OXCT1: variants seen among roughly 807,000 people sequenced by gnomAD.
The protein encoded by OXCT1 is succinyl-CoA:3-ketoacid coenzyme A transferase 1, mitochondrial.
In OXCT1, 27 loss-of-function variants were observed where a neutral mutation model predicts 69.6. The observed-to-expected ratio is 0.39, with a 90% CI of 0.29 to 0.54. The LOEUF (loss-of-function observed/expected upper bound fraction) is 0.54, where lower values mean the gene tolerates loss of function less well. Among genes scored for constraint, OXCT1 ranks in the 20% least tolerant of loss-of-function variants. The pLI is 0.72. For synonymous variants in OXCT1, 202 were observed against 217.8 expected, an observed-to-expected ratio of 0.93 and a Z score of 0.64; for missense variants, 437 against 650.2, an observed-to-expected ratio of 0.67 and a Z score of 3.57.
intron 11 of OXCT1, among the ~76,000 whole-genome samples, chr5:41,797,186 T>A (rs1023687556): frequency 6.6e-6 from 1 of 152,168 alleles, no homozygotes; most frequent in African/African-American, 2.4e-5. Flanking sequence ...CAACCTGCAC[T>A]GGCTGATAAT....
At chr5:41,840,332 C>CAAA in intron 7 of OXCT1, 119 bp downstream of exon 7, 1 of 653,896 alleles carries the variant, frequency 1.5e-6, no homozygotes, top group South Asian at 2.0e-5. Context: ...ATTTCCAAAA[C>CAAA]AAAAAAAAAA....
intron 13 of OXCT1, among the ~76,000 whole-genome samples, chr5:41,763,710 G>A (rs1000564926): frequency 1.3e-5 from 2 of 152,010 alleles, no homozygotes; most frequent in Non-Finnish European, 2.9e-5. Context: ...CTGAGGGGGC[G>A]AGCGCTGGAA....
In OXCT1 at chr5:41,757,861, G is replaced by A. The variant is rs182159243; in HGVS notation, c.1338+4250C>T. Among the ~76,000 whole-genome samples, 291 of 152,202 alleles carry A rather than the reference G, an allele frequency of 1.9e-3. 1 individual carries two copies. Among genetic ancestry groups the A allele is most frequent in the Middle Eastern group, 3.4e-3 (1 of 294 alleles). On this transcript the variant is annotated intron_variant, in intron 14 of 16. Transcript: ENST00000196371. ...AAGTTCTGCGGGCAAGGATGAGATA[G>A]GCTGCTGGGGAGCGAATCGCAAAGG...
intron 7 of OXCT1, among the ~76,000 whole-genome samples, chr5:41,831,777 A>C (rs1748110216): frequency 6.6e-6 from 1 of 152,332 alleles, no homozygotes; most frequent in East Asian, 1.9e-4. Context: ...AGGAAGGTAC[A>C]TTATACTCCT....
At chr5:41,826,503 T>G (rs1747813428) in intron 7 of OXCT1, among the ~76,000 whole-genome samples, 1 of 152,092 alleles carries the variant, frequency 6.6e-6, no homozygotes, top group Non-Finnish European at 1.5e-5. Flanking sequence ...GAATGCTCTA[T>G]CCCACTGATG....
intron 13 of OXCT1, among the ~76,000 whole-genome samples, chr5:41,790,424 G>A (rs912747382): frequency 6.6e-6 from 1 of 152,212 alleles, no homozygotes; most frequent in Non-Finnish European, 1.5e-5. Flanking sequence ...GTTTTGTCAA[G>A]TTTTCCTCCT....
intron 14 of OXCT1, among the ~76,000 whole-genome samples, chr5:41,755,054 G>A (rs1743992819): frequency 6.6e-6 from 1 of 152,072 alleles, no homozygotes; most frequent in Non-Finnish European, 1.5e-5. Flanking sequence ...CCAGAGGGCA[G>A]AGCACAGAAG....
chr5:41,817,591 A>G lies in OXCT1; in HGVS notation c.733-10153T>C, dbSNP rs371260137. On this transcript the variant is annotated intron_variant, in intron 7 of 16. Coordinates refer to ENST00000196371, the MANE Select transcript of OXCT1 (RefSeq NM_000436.4). ...TGATTTTAGTTCCATGCCACGCAGC[A>G]TATCTTCAATACCCCTCTGTACTTG... 3.3e-5 allele frequency among the ~76,000 whole-genome samples: 5 copies of G among 152,360 alleles called. No homozygotes were observed. In the East Asian group the frequency reaches 9.6e-4, roughly 29 times the overall value.
chr5:41,862,269 G>A (rs1423998848), intron 2 of OXCT1, among the ~76,000 whole-genome samples: 4 of 152,106 alleles, frequency 2.6e-5, no homozygotes, highest in Admixed American at 6.5e-5. Context: ...ACATGTCTAC[G>A]GGGTCTCTGA....
At chr5:41,780,340 T>G (rs1385247382) in intron 13 of OXCT1, among the ~76,000 whole-genome samples, 1 of 152,196 alleles carries the variant, frequency 6.6e-6, no homozygotes, top group Non-Finnish European at 1.5e-5. Context: ...GGTGAAGAAC[T>G]GTGATTAAAC....
At chr5:41,866,131 G>A (rs1297561171) in intron 1 of OXCT1, among the ~76,000 whole-genome samples, 1 of 150,680 alleles carries the variant, frequency 6.6e-6, no homozygotes, top group Non-Finnish European at 1.5e-5. Flanking sequence ...AGATACTCAG[G>A]GGTTGTTAGC....
chr5:41,774,355 C>A lies in OXCT1; in HGVS notation c.1249-12155G>T, dbSNP rs570996505. Among the ~76,000 whole-genome samples the A allele has an allele frequency of 5.9e-5, 9 of 152,126 alleles. No homozygotes were observed. In the South Asian group the frequency reaches 1.9e-3, roughly 32 times the overall value. On this transcript the variant is annotated intron_variant, in intron 13 of 16. Transcript: ENST00000196371. ...GAGAAGGGCTAGAAGCAATGATAGC[C>A]CAGTAGCAACAAGCACACCTAGCAC...
chr5:41,770,052 G>A (rs777571347), intron 13 of OXCT1, among the ~76,000 whole-genome samples: 2 of 152,192 alleles, frequency 1.3e-5, no homozygotes, highest in Admixed American at 6.5e-5. Context: ...GAGCCACCAC[G>A]CCCAGCCCTT....
intron 15 of OXCT1, among the ~76,000 whole-genome samples, chr5:41,748,271 T>G (rs1259645023): frequency 1.3e-5 from 2 of 151,788 alleles, no homozygotes; most frequent in Non-Finnish European, 2.9e-5. Flanking sequence ...GTGGGAGCTA[T>G]GACAGGTAGA....
At chr5:41,743,601 T>C (rs1743306943) in intron 15 of OXCT1, among the ~76,000 whole-genome samples, 1 of 152,246 alleles carries the variant, frequency 6.6e-6, no homozygotes. Context: ...TCTAGGGTTT[T>C]TATGGTTTTA....
intron 13 of OXCT1, among the ~76,000 whole-genome samples, chr5:41,766,819 A>G (rs1042860522): frequency 6.6e-6 from 1 of 152,156 alleles, no homozygotes; most frequent in African/African-American, 2.4e-5. Flanking sequence ...GAAACAATTT[A>G]TAATATATAG....
chr5:41,758,713 G>A (rs914463755), intron 14 of OXCT1, among the ~76,000 whole-genome samples: 2 of 152,168 alleles, frequency 1.3e-5, no homozygotes, highest in Non-Finnish European at 2.9e-5. Context: ...GCAACCCGCA[G>A]CACATGGTTT....
At chr5:41,761,629 A>T (rs1744350486) in intron 14 of OXCT1, among the ~76,000 whole-genome samples, 1 of 152,160 alleles carries the variant, frequency 6.6e-6, no homozygotes, top group Admixed American at 6.6e-5. Flanking sequence ...CACCTAGTCC[A>T]TTATTTTGTA....
In OXCT1 at chr5:41,805,561, GGATA is replaced by G. The variant is rs748591518; in HGVS notation, c.955+2_955+5del. 6.3e-7 allele frequency: 1 copy of G among 1,590,176 alleles called. No homozygotes were observed. Among genetic ancestry groups the G allele is most frequent in the South Asian group, 1.1e-5 (1 of 90,594 alleles). On this transcript the variant is annotated splice_donor_variant and splice_donor_5th_base_variant and intron_variant, in intron 9 of 16. Coordinates refer to ENST00000196371, the MANE Select transcript of OXCT1 (RefSeq NM_000436.4). LOFTEE classifies it high-confidence loss of function. ...CTTTGCCCGGGCTCAGAAGGATAAAGGATACCATACATGCCATCCTCAAACTCAA... is the reference window on the plus strand; with the variant it reads ...CTTTGCCCGGGCTCAGAAGGATAAAGCCATACATGCCATCCTCAAACTCAA...
Sources: gnomAD v4.1 joint callset for allele counts (sites outside exome capture counted in the v4.1 genomes callset) on GRCh38, gnomAD v4.1.1 for gene constraint, MANE v1.5 for transcripts, NCBI Gene and HGNC (gene_info 2026-07-23, HGNC 2026-07-21) for gene names.